Variants in ZNF568 observed in about 807,000 individuals in gnomAD.
ZNF568 encodes zinc finger protein 568, also known as p53 inhibitor of SCO2 activation.
A neutral mutation model predicts 18.1 loss-of-function variants in ZNF568; 11 were observed. The observed-to-expected ratio is 0.61, with a 90% CI of 0.38 to 1.00. The LOEUF (loss-of-function observed/expected upper bound fraction) is 1.00, where lower values mean the gene tolerates loss of function less well. Among genes scored for constraint, ZNF568 ranks in the 50% least tolerant of loss-of-function variants. The pLI is 0.01. For synonymous variants in ZNF568, 213 were observed against 246.6 expected, an observed-to-expected ratio of 0.86 and a Z score of 1.28; for missense variants, 639 against 768.2, an observed-to-expected ratio of 0.83 and a Z score of 1.99.
At position 36,949,893 on chromosome 19, in the gene ZNF568, A is replaced by G; in HGVS notation, c.740A>G (p.Glu247Gly). The G allele has an allele frequency of 6.2e-7, 1 of 1,613,966 alleles. No homozygotes were observed. Among genetic ancestry groups the G allele is most frequent in the East Asian group, 2.2e-5 (1 of 44,862 alleles). Residue 247 changes from glutamate (E) to glycine (G), a missense_variant, in exon 7 of 7, where the codon GAG (glutamate) becomes GGG (glycine). Coordinates refer to ENST00000333987, the MANE Select transcript of ZNF568 (RefSeq NM_198539.4). ...LIRHERIHAG[E>G]KPYECKECGK... ...AGACATGAGCGAATTCATGCTGGAGAGAAACCTTACGAATGTAAAGAATGT... is the reference window on the plus strand; with the variant it reads ...AGACATGAGCGAATTCATGCTGGAGGGAAACCTTACGAATGTAAAGAATGT...
At chr19:36,924,188 T>G (rs2073506163) in intron 3 of ZNF568, among the ~76,000 whole-genome samples, 1 of 152,072 alleles carries the variant, frequency 6.6e-6, no homozygotes, top group Non-Finnish European at 1.5e-5. Context: ...ACATTACCTA[T>G]AGCCAGTCTC....
intron 4 of ZNF568, among the ~76,000 whole-genome samples, chr19:36,992,497 A>G (rs1378416074): frequency 2.0e-5 from 3 of 151,898 alleles, no homozygotes; most frequent in Non-Finnish European, 4.4e-5. Flanking sequence ...GCGAGACTCC[A>G]TCTTGAAAAA....
chr19:36,937,010 A>C, intron 5 of ZNF568, 137 bp from the exon 6 acceptor site: 8 of 1,358,916 alleles, frequency 5.9e-6, no homozygotes, highest in Non-Finnish European at 8.1e-6. Context: ...TTCAGTGTTA[A>C]AGGCTGATTA....
chr19:36,975,426 G>A (rs371081613), intron 7 of ZNF568, among the ~76,000 whole-genome samples: 1 of 140,496 alleles, frequency 7.1e-6, no homozygotes, highest in East Asian at 2.2e-4. Flanking sequence ...TTGCTCTGTC[G>A]CCAGTTAGGA....
chr19:36,974,590 T>G, intron 7 of ZNF568: 1 of 946,732 alleles, frequency 1.1e-6, no homozygotes, highest in Non-Finnish European at 1.6e-6. Flanking sequence ...GGGAGGAAAC[T>G]GCATTTATGT....
At chr19:36,933,925 T>C (rs1382522397) in intron 4 of ZNF568, among the ~76,000 whole-genome samples, 1 of 54,258 alleles carries the variant, frequency 1.8e-5, no homozygotes, top group African/African-American at 1.0e-4. Context: ...TGTTTTTTTG[T>C]TTTTTTTTTT....
chr19:36,969,227 G>A (rs1050971590), intron 6 of ZNF568, among the ~76,000 whole-genome samples: 1 of 152,122 alleles, frequency 6.6e-6, no homozygotes, highest in Non-Finnish European at 1.5e-5. Context: ...AACAACTGAA[G>A]TAAATGTGCC....
At chr19:36,978,517 G>C (rs1289458582) in intron 7 of ZNF568, among the ~76,000 whole-genome samples, 1 of 152,012 alleles carries the variant, frequency 6.6e-6, no homozygotes, top group South Asian at 2.1e-4. Context: ...TTGGAATTCT[G>C]TTCCTTTTCT....
chr19:36,995,561 A>G (rs1200964534), intron 4 of ZNF568, among the ~76,000 whole-genome samples: 1 of 152,024 alleles, frequency 6.6e-6, no homozygotes, highest in African/African-American at 2.4e-5. Context: ...AGGATTTACA[A>G]TTGGTATTGT....
chr19:36,991,008 C>A, intron 2 of ZNF568: 3 of 652,990 alleles, frequency 4.6e-6, no homozygotes, highest in Non-Finnish European at 7.4e-6. Context: ...GGGCACTTCA[C>A]TCTGATCACC....
intron 2 of ZNF568, among the ~76,000 whole-genome samples, chr19:36,989,225 T>C (rs2595547): frequency 0.55 from 83,205 of 151,722 alleles, 23,410 homozygotes; most frequent in African/African-American, 0.65. Context: ...CTCTGTTGCC[T>C]AGGCTAGACT....
intron 6 of ZNF568, among the ~76,000 whole-genome samples, chr19:36,941,015 C>G (rs1356040428): frequency 6.6e-6 from 1 of 152,090 alleles, no homozygotes; most frequent in Non-Finnish European, 1.5e-5. Context: ...TTCATGTTCT[C>G]TTTTGCTGTC....
chr19:36,972,312 TC>T (rs2074242660), intron 6 of ZNF568, among the ~76,000 whole-genome samples: 1 of 152,156 alleles, frequency 6.6e-6, no homozygotes, highest in African/African-American at 2.4e-5. Context: ...CATACTTCTG[TC>T]ATTAAATATC....
chr19:36,926,208 C>T (rs2073550950), intron 4 of ZNF568, among the ~76,000 whole-genome samples: 1 of 152,120 alleles, frequency 6.6e-6, no homozygotes, highest in Admixed American at 6.5e-5. Context: ...AGTCTTCATC[C>T]TCATCTTACA....
At chr19:36,996,535 G>C (rs1417461255) in exon 5 of ZNF568, 32 of 1,536,074 alleles carry the variant, frequency 2.1e-5, no homozygotes, top group Non-Finnish European at 2.7e-5. Flanking sequence ...TCATACTGGA[G>C]AGAAATCCTG....
rs2074159095 is a variant in ZNF568, at chr19:36,962,285, T to TTG, written c.359-12134_359-12133insGT. 4.2e-5 allele frequency among the ~76,000 whole-genome samples: 6 copies of TTG among 144,122 alleles called. No individual in the cohort carries two copies. The South Asian group carries it at 1.3e-3, about 32-fold the overall frequency. The allele number at this position is 144,122 out of a possible 152,430, so 94.5% of individuals were successfully genotyped here. On this transcript the variant is annotated intron_variant, in intron 6 of 7. Coordinates refer to the ZNF568 transcript ENST00000427117. ...ATGGTAAGTGTTGCAGTGTTTTTTTTTTTTTTTTTTTTTTTGCTTCCAGGT... is the reference window on the plus strand; with the variant it reads ...ATGGTAAGTGTTGCAGTGTTTTTTTTTGTTTTTTTTTTTTTTTGCTTCCAGGT...
chr19:36,916,352 T>G lies in ZNF568; in HGVS notation c.-495T>G, dbSNP rs2073330641. The stretch of plus-strand genomic sequence containing the variant: ...GAGGTGTTGTCCTCGGAAACGTCGC[T>G]GGCGCGGAGGGATGGTTCGGCGCTT... On this transcript the variant is annotated 5_prime_UTR_variant, in exon 1 of 7. Transcript: ENST00000333987. The surrounding 1 kb of genome is among the most constrained non-coding windows in gnomAD (Gnocchi z 5.3). 3 of 163,552 alleles carry G rather than the reference T, an allele frequency of 1.8e-5. No individual in the cohort carries two copies. The highest frequency in any genetic ancestry group is 4.0e-5 in the Non-Finnish European group (3 of 75,676). 10.1% of individuals were successfully genotyped at this position (163,552 alleles called of 1,614,324 possible).
intron 2 of ZNF568, among the ~76,000 whole-genome samples, chr19:36,988,377 C>T (rs1371047069): frequency 1.3e-5 from 2 of 152,178 alleles, no homozygotes; most frequent in African/African-American, 4.8e-5. Flanking sequence ...GCTCACAGCT[C>T]CAGCTCCACA....
chr19:36,920,308 A>C (rs1218600542), intron 2 of ZNF568, among the ~76,000 whole-genome samples: 2 of 152,230 alleles, frequency 1.3e-5, no homozygotes, highest in Non-Finnish European at 2.9e-5. Flanking sequence ...GTGCTACTAC[A>C]AGAGTCAAAA....
Sources: gnomAD v4.1 joint callset for allele counts (sites outside exome capture counted in the v4.1 genomes callset) on GRCh38, gnomAD v4.1.1 for gene constraint, Gnocchi (gnomAD v3.1) non-coding constraint, MANE v1.5 for transcripts, NCBI Gene and HGNC (gene_info 2026-07-23, HGNC 2026-07-21) for gene names.